RDX: variants seen among roughly 807,000 people sequenced by gnomAD.
RDX encodes the protein deafness, autosomal recessive 24.
RDX carries 32 observed loss-of-function variants against 83.7 expected under a neutral mutation model. That is an observed-to-expected ratio of 0.38 (90% confidence interval 0.29 to 0.51). RDX has a LOEUF of 0.51. RDX is among the 20% of genes least tolerant of loss of function. The probability of loss-of-function intolerance (pLI) is 0.87; values close to 1 mark genes in which losing one functional copy is unlikely to be tolerated. For missense variants in RDX, 600 were observed against 689.9 expected (o/e 0.87, Z 1.46); for synonymous variants, 229 against 222.7 (o/e 1.03, Z -0.25).
At chr11:110,285,622 A>G (rs1860950300) in intron 1 of RDX, among the ~76,000 whole-genome samples, 1 of 149,538 alleles carries the variant, frequency 6.7e-6, no homozygotes, top group South Asian at 2.2e-4. Flanking sequence ...CTGAGGCAGG[A>G]GAATCGCTTG....
At chr11:110,185,136 G>A (rs1862962180) in intron 15 of RDX, 1 of 152,230 alleles carries the variant, frequency 6.6e-6, no homozygotes, top group African/African-American at 2.4e-5. Flanking sequence ...GGAGAACTGA[G>A]CATGTCTCAA....
chr11:110,190,308 T>G (rs1011119041), intron 15 of RDX, among the ~76,000 whole-genome samples: 1 of 151,920 alleles, frequency 6.6e-6, no homozygotes. Context: ...GGCATTGTGG[T>G]GCATGCCTGT....
intron 9 of RDX, among the ~76,000 whole-genome samples, chr11:110,249,000 T>C (rs185242336): frequency 1.6e-4 from 25 of 152,296 alleles, no homozygotes; most frequent in African/African-American, 5.1e-4. Context: ...TAGCTGCACC[T>C]GCCATGGGCC....
chr11:110,211,936 AG>A (rs1288426120), intron 14 of RDX, among the ~76,000 whole-genome samples: 1 of 146,582 alleles, frequency 6.8e-6, no homozygotes, highest in African/African-American at 2.5e-5. Flanking sequence ...TAGAAAAGCA[AG>A]AGCAAACACA....
downstream of RDX, among the ~76,000 whole-genome samples, chr11:110,226,834 C>A (rs947770803): frequency 1.3e-5 from 2 of 151,968 alleles, no homozygotes; most frequent in Non-Finnish European, 2.9e-5. Context: ...TAAAATTTGG[C>A]CTATGAAATG....
chr11:110,187,047 CCA>C (rs200682076), intron 15 of RDX, among the ~76,000 whole-genome samples: 2,531 of 152,286 alleles, frequency 0.017, 85 homozygotes, highest in African/African-American at 0.056. Flanking sequence ...GCTGCCACGG[CCA>C]CAGTTTCTCC....
intron 15 of RDX, among the ~76,000 whole-genome samples, chr11:110,189,408 A>G (rs1266054098): frequency 3.3e-5 from 5 of 152,150 alleles, no homozygotes; most frequent in African/African-American, 7.2e-5. Flanking sequence ...TAGCCACACA[A>G]TAATTGTGGG....
chr11:110,216,081 C>A (rs1320598774), intron 14 of RDX, among the ~76,000 whole-genome samples: 1 of 152,188 alleles, frequency 6.6e-6, no homozygotes, highest in African/African-American at 2.4e-5. Context: ...CAGGGCCAAA[C>A]TGCTCAGTGG....
intron 15 of RDX, among the ~76,000 whole-genome samples, chr11:110,180,669 T>C (rs2134216488): frequency 6.6e-6 from 1 of 152,022 alleles, no homozygotes; most frequent in South Asian, 2.1e-4. Context: ...TTTTTTTTTT[T>C]TGAGACAGTC....
rs1864647875 is a variant in RDX at position 110,231,835 on chromosome 11, G to C, written c.*34C>G. 1 of 1,609,950 alleles carries C rather than the reference G, an allele frequency of 6.2e-7. No homozygotes were observed. Among genetic ancestry groups the C allele is most frequent in the African/African-American group, 1.3e-5 (1 of 74,832 alleles). ...CCTGCTTTTCTCTGTTGGTGGTTCA[G>C]CTTATGAAGAACATATATGCAAAAT... On this transcript the variant is annotated 3_prime_UTR_variant, in exon 14 of 14. Transcript: ENST00000645495.
chr11:110,290,962 T>A (rs1861217448), intron 1 of RDX, among the ~76,000 whole-genome samples: 1 of 152,186 alleles, frequency 6.6e-6, no homozygotes, highest in South Asian at 2.1e-4. Flanking sequence ...GCTCACTACA[T>A]ATGACTATCT....
intron 14 of RDX, among the ~76,000 whole-genome samples, chr11:110,218,798 G>C (rs1410926855): frequency 6.6e-6 from 1 of 152,170 alleles, no homozygotes; most frequent in East Asian, 1.9e-4. Flanking sequence ...ACTTGGCTTA[G>C]GGATCATCTC....
Position 110,279,761 on chromosome 11 carries a change from TAA to T in RDX, c.-64-7_-64-6del, listed in dbSNP as rs61003001. On this transcript the variant is annotated splice_polypyrimidine_tract_variant and splice_region_variant and intron_variant, in intron 1 of 13. Coordinates refer to ENST00000645495, the MANE Select transcript of RDX (RefSeq NM_002906.4). ...AATGAATTCTGTTATCACTTTCTGT[TAA>T]AAAAAAAAAAGCATAATCTATTATC... 12,332 of 744,480 alleles carry T rather than the reference TAA, an allele frequency of 0.017. No homozygotes were observed. The highest frequency in any genetic ancestry group is 0.024 in the South Asian group (1,395 of 57,432). The allele number at this position is 744,480 out of a possible 1,614,324, so 46.1% of individuals were successfully genotyped here.
At chr11:110,228,356 A>G (rs1486097836), downstream of RDX, among the ~76,000 whole-genome samples, 1 of 152,042 alleles carries the variant, frequency 6.6e-6, no homozygotes, top group Non-Finnish European at 1.5e-5. Context: ...ACATTAGAAT[A>G]TTTGATAGGT....
chr11:110,194,321 G>A (rs936251276), intron 15 of RDX, among the ~76,000 whole-genome samples: 1 of 152,230 alleles, frequency 6.6e-6, no homozygotes, highest in Admixed American at 6.5e-5. Flanking sequence ...CCGGGTTCAA[G>A]CGATTCTCCT....
At chr11:110,208,288 C>T (rs1445358828) in intron 14 of RDX, among the ~76,000 whole-genome samples, 3 of 152,214 alleles carry the variant, frequency 2.0e-5, no homozygotes, top group East Asian at 1.9e-4. Context: ...ACGAATGTAG[C>T]GTTCTCCTCT....
chr11:110,220,276 A>G (rs1389397671), intron 14 of RDX, among the ~76,000 whole-genome samples: 1 of 152,126 alleles, frequency 6.6e-6, no homozygotes, highest in Non-Finnish European at 1.5e-5. Flanking sequence ...AGAAGTTACT[A>G]TTTATTAACA....
chr11:110,239,951 A>AAT (rs1241720819), intron 10 of RDX, among the ~76,000 whole-genome samples: 5 of 152,206 alleles, frequency 3.3e-5, no homozygotes, highest in East Asian at 1.9e-4. Context: ...TATGTAGAAC[A>AAT]ATATAGAGTC....
At chr11:110,271,875 G>C (rs940350053) in intron 3 of RDX, among the ~76,000 whole-genome samples, 2 of 152,096 alleles carry the variant, frequency 1.3e-5, no homozygotes, top group African/African-American at 4.8e-5. Flanking sequence ...AATCCTAAAT[G>C]CTGCAAAATC....
Sources: allele counts gnomAD v4.1 joint callset (sites outside exome capture counted in the v4.1 genomes callset), GRCh38; gene constraint gnomAD v4.1.1; transcripts MANE v1.5; gene names NCBI Gene and HGNC (gene_info 2026-07-23, HGNC 2026-07-21).